Variants in RBM4 observed in about 807,000 individuals in gnomAD.
RBM4 encodes the protein RNA-binding protein 4.
RBM4 carries 7 observed loss-of-function variants against 29.5 expected under a neutral mutation model. The ratio of observed to expected loss-of-function variants is 0.24; its 90% CI spans 0.14 to 0.45. The LOEUF (loss-of-function observed/expected upper bound fraction) is 0.45. Among genes scored for constraint, RBM4 ranks in the 20% least tolerant of loss-of-function variants. RBM4 has a pLI of 1.00. For synonymous variants in RBM4, 220 were observed against 205.4 expected, an observed-to-expected ratio of 1.07 and a Z score of -0.61; for missense variants, 387 against 502.3, an observed-to-expected ratio of 0.77 and a Z score of 2.19.
chr11:66,645,255 G>A (rs572597017), intron 3 of RBM4, among the ~76,000 whole-genome samples: 19 of 152,154 alleles, frequency 1.2e-4, no homozygotes, highest in Non-Finnish European at 2.4e-4. Flanking sequence ...GGCTCTAGGT[G>A]TTTGAGATTA....
chr11:66,664,781 G>T (rs1939165716), intron 2 of RBM4, among the ~76,000 whole-genome samples: 1 of 152,144 alleles, frequency 6.6e-6, no homozygotes, highest in African/African-American at 2.4e-5. Context: ...ATTTTTGGTA[G>T]AGACAGGGTT....
chr11:66,649,786 A>C (rs778531771), downstream of RBM4: 1 of 701,156 alleles, frequency 1.4e-6, no homozygotes, highest in Non-Finnish European at 2.6e-6. Context: ...ATTGTAGCTC[A>C]CTGTAACTTT....
chr11:66,663,162 T>C (rs1467686841), intron 2 of RBM4, among the ~76,000 whole-genome samples: 1 of 152,210 alleles, frequency 6.6e-6, no homozygotes, highest in Non-Finnish European at 1.5e-5. Flanking sequence ...TTAAATGTGT[T>C]CTATGGGGAT....
intron 2 of RBM4, among the ~76,000 whole-genome samples, chr11:66,659,260 G>GTT (rs1590873609): frequency 1.8e-5 from 2 of 109,108 alleles, no homozygotes; most frequent in East Asian, 2.5e-4. Flanking sequence ...TTTCTTCTTG[G>GTT]TTCTTTTTTT....
At chr11:66,665,712 T>TCTAA (rs1387762434) in intron 2 of RBM4, 1 of 1,438,442 alleles carries the variant, frequency 7.0e-7, no homozygotes, top group African/African-American at 1.4e-5. Context: ...TCAGACTGGA[T>TCTAA]CTAACTCATA....
chr11:66,645,140 G>C (rs1938637290), intron 3 of RBM4, among the ~76,000 whole-genome samples: 2 of 152,148 alleles, frequency 1.3e-5, no homozygotes. Flanking sequence ...TGAGCCAGCA[G>C]CTCTACCCTG....
intron 2 of RBM4, among the ~76,000 whole-genome samples, chr11:66,662,319 T>A (rs1200066814): frequency 6.6e-6 from 1 of 152,214 alleles, no homozygotes; most frequent in African/African-American, 2.4e-5. Flanking sequence ...GCCAGGAGTG[T>A]TATTGGGCAG....
chr11:66,644,101 A>G lies in RBM4; in HGVS notation c.1064A>G (p.Tyr355Cys), dbSNP rs779445395. The change falls in exon 3 of 4, where the codon TAT (tyrosine) becomes TGT (cysteine). Residue 355 changes from tyrosine (Y) to cysteine (C), a missense_variant. Transcript: ENST00000310092. Reference sequence around the variant, plus strand: ...ATGGCCCGGTATGAGCGGGAGCAGTATGCCGATCGGGCGCGGTACTCAGCC... The same window carrying G: ...ATGGCCCGGTATGAGCGGGAGCAGTGTGCCGATCGGGCGCGGTACTCAGCC... ...YDMARYEREQ[Y>C]ADRARYSAF 5.0e-6 allele frequency: 8 copies of G among 1,613,924 alleles called. No individual in the cohort carries two copies. In the Admixed American group the frequency reaches 6.7e-5, roughly 13 times the overall value.
chr11:66,642,561 C>T (rs890072644), intron 2 of RBM4, among the ~76,000 whole-genome samples: 1 of 152,188 alleles, frequency 6.6e-6, no homozygotes, highest in Non-Finnish European at 1.5e-5. Flanking sequence ...CTTAGTTACG[C>T]TCTCAGATAT....
chr11:66,654,089 TTATC>T (rs903482487), intron 2 of RBM4, among the ~76,000 whole-genome samples: 17 of 152,206 alleles, frequency 1.1e-4, no homozygotes, highest in African/African-American at 4.1e-4. Flanking sequence ...TGCCATGGTG[TTATC>T]TATCTCACTG....
At chr11:66,640,251 G>C (rs1242747047) in intron 2 of RBM4, 128 bp downstream of exon 2, 1 of 1,252,574 alleles carries the variant, frequency 8.0e-7, no homozygotes, top group Non-Finnish European at 1.1e-6. Flanking sequence ...AATAAGTGTG[G>C]GTGATGGACT....
exon 3 of RBM4, chr11:66,666,028 C>G: frequency 7.3e-7 from 1 of 1,366,918 alleles, no homozygotes; most frequent in Non-Finnish European, 9.9e-7. Context: ...TCACAGTAAA[C>G]AAGCTTTCAG....
chr11:66,649,477 C>G (rs1232551683), downstream of RBM4, among the ~76,000 whole-genome samples: 2 of 152,188 alleles, frequency 1.3e-5, no homozygotes, highest in African/African-American at 2.4e-5. Context: ...CCAAGAGTTT[C>G]AAGCTGTGGT....
At chr11:66,660,918 G>A (rs994303085) in intron 2 of RBM4, among the ~76,000 whole-genome samples, 3 of 152,182 alleles carry the variant, frequency 2.0e-5, no homozygotes, top group Admixed American at 1.3e-4. Context: ...GCCTCCCAAA[G>A]TGCTGGGATT....
intron 2 of RBM4, 142 bp downstream of exon 2, chr11:66,640,265 TATG>T: frequency 8.8e-7 from 1 of 1,137,296 alleles, no homozygotes; most frequent in Non-Finnish European, 1.3e-6. Context: ...ATGGACTTCT[TATG>T]ATGTAGAATG....
chr11:66,646,126 A>G lies in RBM4; in HGVS notation c.*108A>G, dbSNP rs976864466. ...GGGACGTTCTCGGCTCTGTGCGTTCAGTCCCTCAGGAACCGTGGACCTTAA... is the reference window on the plus strand; with the variant it reads ...GGGACGTTCTCGGCTCTGTGCGTTCGGTCCCTCAGGAACCGTGGACCTTAA... On this transcript the variant is annotated 3_prime_UTR_variant, in exon 4 of 4. Coordinates refer to ENST00000310092, the MANE Select transcript of RBM4 (RefSeq NM_002896.4). 3 of 1,534,356 alleles carry G rather than the reference A, an allele frequency of 2.0e-6. No individual in the cohort carries two copies. The highest frequency in any genetic ancestry group is 4.9e-5 in the East Asian group (2 of 40,914).
chr11:66,661,898 C>T (rs539664059), intron 2 of RBM4, among the ~76,000 whole-genome samples: 3 of 152,172 alleles, frequency 2.0e-5, no homozygotes, highest in Non-Finnish European at 2.9e-5. Context: ...GGCGTGGTGG[C>T]GCGCGACTGT....
chr11:66,661,796 G>A (rs999434851), intron 2 of RBM4, among the ~76,000 whole-genome samples: 7 of 152,190 alleles, frequency 4.6e-5, no homozygotes, highest in Non-Finnish European at 8.8e-5. Flanking sequence ...TTGGGAAGCC[G>A]AGGTGGGTGG....
downstream of RBM4, among the ~76,000 whole-genome samples, chr11:66,648,832 T>A (rs183825940): frequency 2.6e-4 from 40 of 151,694 alleles, no homozygotes; most frequent in East Asian, 9.7e-4. Context: ...ATTTTTTTTT[T>A]AATTTCTTGA....
Sources: gnomAD v4.1 joint callset for allele counts (sites outside exome capture counted in the v4.1 genomes callset) on GRCh38, gnomAD v4.1.1 for gene constraint, MANE v1.5 for transcripts, NCBI Gene and HGNC (gene_info 2026-07-23, HGNC 2026-07-21) for gene names.